Variants in GALNT10 observed in about 807,000 individuals in gnomAD.
GALNT10 encodes the protein polypeptide N-acetylgalactosaminyltransferase 10, also known as GalNAc transferase 10.
A neutral mutation model predicts 75.0 loss-of-function variants in GALNT10; 41 were observed. That is an observed-to-expected ratio of 0.55 (90% confidence interval 0.43 to 0.71). The LOEUF (loss-of-function observed/expected upper bound fraction) is 0.71. Ranked by LOEUF, GALNT10 falls within the 30% of genes least tolerant of loss-of-function variation. The pLI is 0.00. For missense variants in GALNT10, 727 were observed against 818.5 expected, an observed-to-expected ratio of 0.89 and a Z score of 1.36; for synonymous variants, 302 against 313.0, an observed-to-expected ratio of 0.96 and a Z score of 0.37.
chr5:154,218,900 A>G (rs997322310), intron 1 of GALNT10, among the ~76,000 whole-genome samples: 7 of 151,896 alleles, frequency 4.6e-5, no homozygotes, highest in African/African-American at 1.5e-4. Flanking sequence ...GTCTTTGTTT[A>G]TTGAAGCCTC....
intron 1 of GALNT10, among the ~76,000 whole-genome samples, chr5:154,211,955 A>G (rs2113648905): frequency 6.6e-6 from 1 of 152,298 alleles, no homozygotes; most frequent in East Asian, 1.9e-4. Flanking sequence ...TCCTATTAGA[A>G]GTGAGTCATG....
intron 7 of GALNT10, among the ~76,000 whole-genome samples, chr5:154,400,788 A>G (rs535691441): frequency 6.6e-6 from 1 of 152,074 alleles, no homozygotes; most frequent in African/African-American, 2.4e-5. Context: ...CTATGAGGGG[A>G]GTCAATGGGT....
At chr5:154,284,525 C>CT (rs1348127839) in intron 1 of GALNT10, among the ~76,000 whole-genome samples, 1 of 152,140 alleles carries the variant, frequency 6.6e-6, no homozygotes, top group Non-Finnish European at 1.5e-5. Context: ...TTTCCAGTTC[C>CT]TTTTTTTCTT....
intron 1 of GALNT10, among the ~76,000 whole-genome samples, chr5:154,247,096 G>T (rs1023792544): frequency 6.6e-6 from 1 of 152,126 alleles, no homozygotes; most frequent in East Asian, 1.9e-4. Flanking sequence ...TTTTTGTCAG[G>T]TTTGTCAAAG....
At chr5:154,218,230 TC>T in intron 1 of GALNT10, 1 of 596,192 alleles carries the variant, frequency 1.7e-6, no homozygotes, top group Non-Finnish European at 2.1e-6. Flanking sequence ...TTAAAAGCCC[TC>T]CCAGGACTTC....
chr5:154,378,401 C>G (rs1048567747), intron 5 of GALNT10, among the ~76,000 whole-genome samples: 3 of 152,124 alleles, frequency 2.0e-5, no homozygotes, highest in Non-Finnish European at 4.4e-5. Flanking sequence ...TGAATTTGAC[C>G]ATTGCCTGGT....
chr5:154,320,292 T>C (rs1229779879), intron 3 of GALNT10, among the ~76,000 whole-genome samples: 1 of 152,230 alleles, frequency 6.6e-6, no homozygotes, highest in African/African-American at 2.4e-5. Flanking sequence ...TGAATTAAAT[T>C]AGAAGTGAAT....
At chr5:154,222,272 A>T (rs1478205881) in intron 1 of GALNT10, among the ~76,000 whole-genome samples, 1 of 150,084 alleles carries the variant, frequency 6.7e-6, no homozygotes, top group Non-Finnish European at 1.5e-5. Flanking sequence ...GCTTTTTGAC[A>T]TTCATCCATG....
intron 3 of GALNT10, among the ~76,000 whole-genome samples, chr5:154,305,619 A>G (rs756124394): frequency 6.6e-6 from 1 of 152,238 alleles, no homozygotes; most frequent in Non-Finnish European, 1.5e-5. Flanking sequence ...GAATAAAGAA[A>G]GTTATTCATA....
intron 1 of GALNT10, among the ~76,000 whole-genome samples, chr5:154,291,661 C>CATCT (rs1368348874): frequency 1.4e-4 from 22 of 152,184 alleles, no homozygotes; most frequent in Admixed American, 1.4e-3. Context: ...CATTCAGTAA[C>CATCT]ATCTACCATT....
chr5:154,338,574 C>A lies in GALNT10; in HGVS notation c.568+8836C>A, dbSNP rs76384285. The A allele has an allele frequency of 3.9e-3, 652 of 168,982 alleles. 4 individuals carry two copies. The highest frequency in any genetic ancestry group is 0.014 in the African/African-American group (582 of 41,758). 10.5% of individuals were successfully genotyped at this position (168,982 alleles called of 1,614,324 possible). On this transcript the variant is annotated intron_variant, in intron 4 of 11. Transcript: ENST00000297107. ...CTTCAGGTCAGTAGTAGAAACAGAGCAAACCCATTTGTCTTTTAATAGCTA... is the reference window on the plus strand; with the variant it reads ...CTTCAGGTCAGTAGTAGAAACAGAGAAAACCCATTTGTCTTTTAATAGCTA...
chr5:154,294,976 T>G (rs1754251490), intron 2 of GALNT10, 58 bp downstream of exon 2: 1 of 609,582 alleles, frequency 1.6e-6, no homozygotes. Flanking sequence ...GCACATATGC[T>G]TGTGTGTGTG....
chr5:154,372,489 A>G (rs1028101526), intron 4 of GALNT10, among the ~76,000 whole-genome samples: 21 of 152,220 alleles, frequency 1.4e-4, no homozygotes, highest in Non-Finnish European at 5.9e-5. Flanking sequence ...ATCCTGGGAC[A>G]GTGCAAATAG....
intron 1 of GALNT10, among the ~76,000 whole-genome samples, chr5:154,270,857 G>A (rs78904267): frequency 6.6e-6 from 1 of 152,006 alleles, no homozygotes; most frequent in African/African-American, 2.4e-5. Context: ...AGCTGGGAGT[G>A]GTGGCGCACA....
At chr5:154,396,705 C>T (rs1050792235) in intron 7 of GALNT10, among the ~76,000 whole-genome samples, 14 of 152,156 alleles carry the variant, frequency 9.2e-5, no homozygotes, top group Non-Finnish European at 1.9e-4. Context: ...TGAGTCAAAA[C>T]CTAATGTAAA....
chr5:154,315,070 G>T (rs1754577208), intron 3 of GALNT10, among the ~76,000 whole-genome samples: 1 of 151,636 alleles, frequency 6.6e-6, no homozygotes. Context: ...CCATATTAGT[G>T]GTACTTCTGA....
intron 6 of GALNT10, 96 bp downstream of exon 6, chr5:154,380,727 A>C: frequency 2.5e-6 from 2 of 786,960 alleles, no homozygotes; most frequent in Middle Eastern, 3.7e-4. Flanking sequence ...TAAAAGCCCA[A>C]TGCAGAGGGT....
Position 154,409,324 on chromosome 5 carries a change from AC to A in GALNT10, c.1165-216del, listed in dbSNP as rs1168219737. The stretch of plus-strand genomic sequence containing the variant: ...GGATGGAAGATGGGCAGGCAAAACA[AC>A]AGCAGCCTATGGGCCAACTATAAGC... On this transcript the variant is annotated intron_variant, in intron 8 of 11. Transcript: ENST00000297107. This position sits in a 1 kb window ranked among gnomAD's most constrained non-coding sequence, Gnocchi z 4.5. 3.4e-6 allele frequency: 2 copies of A among 588,572 alleles called. No individual in the cohort carries two copies. Among genetic ancestry groups the A allele is most frequent in the Non-Finnish European group, 6.1e-6 (2 of 328,844 alleles). 36.5% of individuals were successfully genotyped at this position (588,572 alleles called of 1,614,324 possible).
intron 1 of GALNT10, among the ~76,000 whole-genome samples, chr5:154,227,038 T>A (rs868044145): frequency 2.0e-5 from 3 of 152,236 alleles, no homozygotes; most frequent in Non-Finnish European, 2.9e-5. Context: ...TCCCTTTTTA[T>A]TGGGAAATAA....
Sources: gnomAD v4.1 joint callset for allele counts (sites outside exome capture counted in the v4.1 genomes callset) on GRCh38, gnomAD v4.1.1 for gene constraint, Gnocchi (gnomAD v3.1) non-coding constraint, MANE v1.5 for transcripts, NCBI Gene and HGNC (gene_info 2026-07-23, HGNC 2026-07-21) for gene names.